Variants in XKR4 observed in about 807,000 individuals in gnomAD.
The protein encoded by XKR4 is XK-related protein 4.
In XKR4, 12 loss-of-function variants were observed where a neutral mutation model predicts 53.9. The observed-to-expected ratio is 0.22, with a 90% CI of 0.14 to 0.36. The LOEUF (loss-of-function observed/expected upper bound fraction) is 0.36. XKR4 is among the 10% of genes least tolerant of loss of function. The pLI, the probability that XKR4 is intolerant of heterozygous loss-of-function variation, is 1.00. For synonymous variants in XKR4, 354 were observed against 362.4 expected (o/e 0.98, Z 0.26); for missense variants, 799 against 859.5 (o/e 0.93, Z 0.88).
chr8:55,148,097 C>T (rs975473129), intron 1 of XKR4, among the ~76,000 whole-genome samples: 3 of 152,170 alleles, frequency 2.0e-5, no homozygotes, highest in Admixed American at 2.0e-4. Flanking sequence ...AATGCATGAA[C>T]ACCGAGTGCT....
At chr8:55,261,088 G>A (rs2034158217) in intron 1 of XKR4, among the ~76,000 whole-genome samples, 1 of 152,174 alleles carries the variant, frequency 6.6e-6, no homozygotes, top group African/African-American at 2.4e-5. Context: ...TACCTGGGAA[G>A]GTGAGATGTT....
chr8:55,493,506 G>A lies in XKR4; in HGVS notation c.1007-29775G>A, dbSNP rs530549042. The stretch of plus-strand genomic sequence containing the variant: ...ATTGCCAACAAGGAATCCCAACTGA[G>A]CACAAAATCTGGCAAATGCAGTTTG... On this transcript the variant is annotated intron_variant, in intron 2 of 2. Transcript: ENST00000327381. 9.2e-5 allele frequency among the ~76,000 whole-genome samples: 14 copies of A among 152,312 alleles called. No homozygotes were observed. The East Asian group carries it at 2.3e-3, about 25-fold the overall frequency.
At chr8:55,440,309 G>A (rs1384002080) in intron 2 of XKR4, among the ~76,000 whole-genome samples, 1 of 152,184 alleles carries the variant, frequency 6.6e-6, no homozygotes, top group Non-Finnish European at 1.5e-5. Flanking sequence ...GTGCAAGGAT[G>A]AGAGAAGATT....
intron 1 of XKR4, among the ~76,000 whole-genome samples, chr8:55,259,265 T>A (rs1818483096): frequency 6.6e-6 from 1 of 152,236 alleles, no homozygotes; most frequent in Non-Finnish European, 1.5e-5. Context: ...TTGTAACCCT[T>A]GGCTTCCGTG....
chr8:55,482,431 G>A (rs1806124429), intron 2 of XKR4, among the ~76,000 whole-genome samples: 1 of 152,074 alleles, frequency 6.6e-6, no homozygotes, highest in East Asian at 1.9e-4. Flanking sequence ...AGCATTAGGA[G>A]ATATACCTAA....
chr8:55,158,181 A>G (rs1383682172), intron 1 of XKR4, among the ~76,000 whole-genome samples: 1 of 151,870 alleles, frequency 6.6e-6, no homozygotes, highest in East Asian at 1.9e-4. Flanking sequence ...TTAGTTTTTG[A>G]CTTTTTAATA....
chr8:55,244,387 GGACAT>G (rs1289699554), intron 1 of XKR4, among the ~76,000 whole-genome samples: 1 of 152,186 alleles, frequency 6.6e-6, no homozygotes, highest in Non-Finnish European at 1.5e-5. Flanking sequence ...TTGCTGCATA[GGACAT>G]GATCACATTC....
At chr8:55,286,501 G>C (rs113295895) in intron 1 of XKR4, among the ~76,000 whole-genome samples, 1,561 of 152,230 alleles carry the variant, frequency 0.01, 11 homozygotes, top group Non-Finnish European at 0.016. Context: ...CTTCCTAGGG[G>C]ATACGGGGGC....
intron 2 of XKR4, chr8:55,450,059 G>A: frequency 4.0e-6 from 3 of 754,870 alleles, no homozygotes; most frequent in Non-Finnish European, 7.1e-6. Flanking sequence ...CCATCTGGCC[G>A]GGCTTCAAGG....
intron 1 of XKR4, among the ~76,000 whole-genome samples, chr8:55,229,023 AAAC>A (rs553279676): frequency 3.3e-5 from 5 of 152,068 alleles, no homozygotes; most frequent in Admixed American, 2.0e-4. Flanking sequence ...AAACAAAACA[AAAC>A]AACAACAACA....
intron 2 of XKR4, chr8:55,450,687 G>A: frequency 1.7e-6 from 1 of 587,360 alleles, no homozygotes; most frequent in Non-Finnish European, 3.2e-6. Context: ...CAGCCAGAAT[G>A]TGGGCTCCCC....
chr8:55,419,240 G>T (rs1404175281), intron 2 of XKR4, among the ~76,000 whole-genome samples: 1 of 152,048 alleles, frequency 6.6e-6, no homozygotes, highest in Non-Finnish European at 1.5e-5. Context: ...CAAAAAATTA[G>T]CCGGAGTGGT....
At chr8:55,182,139 G>C (rs550774144) in intron 1 of XKR4, among the ~76,000 whole-genome samples, 1 of 151,774 alleles carries the variant, frequency 6.6e-6, no homozygotes, top group Non-Finnish European at 1.5e-5. Flanking sequence ...AATTCATTAT[G>C]AATTTTGAAA....
chr8:55,212,719 T>C (rs143906384), intron 1 of XKR4, among the ~76,000 whole-genome samples: 31 of 152,330 alleles, frequency 2.0e-4, no homozygotes, highest in African/African-American at 6.3e-4. Flanking sequence ...CTATGAGTGC[T>C]ATTCATGGAA....
rs1284696270 is a variant in XKR4 at position 55,535,356 on chromosome 8, C to T, written c.*11129C>T. ...TCGTCATTTAGCATCAGGTATATCTCCTAATGCTATCCCTCCCCCCTCCCC... is the reference window on the plus strand; with the variant it reads ...TCGTCATTTAGCATCAGGTATATCTTCTAATGCTATCCCTCCCCCCTCCCC... On this transcript the variant is annotated 3_prime_UTR_variant, in exon 3 of 3. Coordinates refer to ENST00000327381, the MANE Select transcript of XKR4 (RefSeq NM_052898.2). 2 of 151,040 alleles carry T rather than the reference C, an allele frequency of 1.3e-5. No individual in the cohort carries two copies. Among genetic ancestry groups the T allele is most frequent in the Non-Finnish European group, 2.9e-5 (2 of 67,806 alleles). 9.4% of individuals were successfully genotyped at this position (151,040 alleles called of 1,614,324 possible).
rs904927367 is a variant in XKR4, at chr8:55,190,641, A to C, written c.806+87347A>C. Among the ~76,000 whole-genome samples, 3 of 152,170 alleles carry C rather than the reference A, an allele frequency of 2.0e-5. No individual in the cohort carries two copies. In the East Asian group the frequency reaches 5.8e-4, roughly 29 times the overall value. Reference sequence around the variant, plus strand: ...CTGCTATGTGGGCTTAGATAAAAATAAGGGAATAAAAATGTATTTGAAAAG... The same window carrying C: ...CTGCTATGTGGGCTTAGATAAAAATCAGGGAATAAAAATGTATTTGAAAAG... On this transcript the variant is annotated intron_variant, in intron 1 of 2. Coordinates refer to ENST00000327381, the MANE Select transcript of XKR4 (RefSeq NM_052898.2).
intron 2 of XKR4, among the ~76,000 whole-genome samples, chr8:55,424,604 C>T (rs1804986847): frequency 6.6e-6 from 1 of 152,240 alleles, no homozygotes; most frequent in African/African-American, 2.4e-5. Flanking sequence ...GCCACGAACA[C>T]TGAGGTTTGT....
intron 1 of XKR4, among the ~76,000 whole-genome samples, chr8:55,201,560 C>T (rs1396631308): frequency 2.0e-5 from 3 of 152,182 alleles, no homozygotes; most frequent in East Asian, 1.9e-4. Flanking sequence ...GGTGGGCAGC[C>T]CCCTCCTGTC....
At chr8:55,506,927 C>G (rs1002279935) in intron 2 of XKR4, among the ~76,000 whole-genome samples, 1 of 152,168 alleles carries the variant, frequency 6.6e-6, no homozygotes, top group Non-Finnish European at 1.5e-5. Flanking sequence ...AATTATTTAA[C>G]TCATTAAATT....
Sources: allele counts gnomAD v4.1 joint callset (sites outside exome capture counted in the v4.1 genomes callset), GRCh38; gene constraint gnomAD v4.1.1; transcripts MANE v1.5; gene names NCBI Gene and HGNC (gene_info 2026-07-23, HGNC 2026-07-21).